The following PARPBP variants were observed in gnomAD, a reference collection of about 807,000 sequenced individuals.
The protein encoded by PARPBP is PCNA-interacting partner.
In PARPBP, 52 loss-of-function variants were observed where a neutral mutation model predicts 50.0. That is an observed-to-expected ratio of 1.04 (90% confidence interval 0.83 to 1.31). The LOEUF (loss-of-function observed/expected upper bound fraction) is 1.31, where lower values mean the gene tolerates loss of function less well. Among genes scored for constraint, PARPBP ranks in the 50% most tolerant of loss-of-function variants. The pLI is 0.00. For synonymous variants in PARPBP, 244 were observed against 232.1 expected, an observed-to-expected ratio of 1.05 and a Z score of -0.47; for missense variants, 697 against 672.0, an observed-to-expected ratio of 1.04 and a Z score of -0.41.
intron 2 of PARPBP, among the ~76,000 whole-genome samples, chr12:102,137,495 A>G (rs555467273): frequency 6.6e-6 from 1 of 150,414 alleles, no homozygotes; most frequent in East Asian, 2.0e-4. Context: ...ATGCCTCTCT[A>G]GCAGTTATAT....
chr12:102,146,425 T>C (rs1262700841), intron 2 of PARPBP, among the ~76,000 whole-genome samples: 9 of 151,704 alleles, frequency 5.9e-5, no homozygotes, highest in African/African-American at 2.2e-4. Flanking sequence ...TATCTACAAC[T>C]ATCTGATCTT....
At chr12:102,159,938 C>A (rs1320765302) in intron 4 of PARPBP, among the ~76,000 whole-genome samples, 1 of 152,172 alleles carries the variant, frequency 6.6e-6, no homozygotes, top group Admixed American at 6.5e-5. Flanking sequence ...AGCTTCTAAA[C>A]AAACATTGCA....
intron 2 of PARPBP, among the ~76,000 whole-genome samples, chr12:102,145,428 G>A (rs1594499734): frequency 6.6e-6 from 1 of 152,068 alleles, no homozygotes. Flanking sequence ...AAAAGGAGTA[G>A]TTAGAATTTA....
chr12:102,149,479 A>G (rs1012061859), intron 3 of PARPBP, among the ~76,000 whole-genome samples: 1 of 152,202 alleles, frequency 6.6e-6, no homozygotes, highest in Non-Finnish European at 1.5e-5. Context: ...TCCAGCCATT[A>G]TATCCATTAT....
intron 2 of PARPBP, among the ~76,000 whole-genome samples, chr12:102,134,956 G>C (rs1883401339): frequency 6.6e-6 from 1 of 152,156 alleles, no homozygotes; most frequent in Non-Finnish European, 1.5e-5. Context: ...GGGATTACAG[G>C]CATGAACCAC....
chr12:102,151,598 G>C, intron 3 of PARPBP: 2 of 1,535,646 alleles, frequency 1.3e-6, no homozygotes, highest in Non-Finnish European at 1.7e-6. Context: ...CCTTCAGAAA[G>C]AGGAAGCTTG....
chr12:102,162,868 C>CT (rs1424681979), intron 4 of PARPBP, among the ~76,000 whole-genome samples: 2 of 151,312 alleles, frequency 1.3e-5, no homozygotes, highest in African/African-American at 4.9e-5. Context: ...TGAAATTTAT[C>CT]TTTTTATTTT....
intron 6 of PARPBP, among the ~76,000 whole-genome samples, chr12:102,166,595 T>G (rs1444478992): frequency 6.6e-6 from 1 of 152,166 alleles, no homozygotes; most frequent in Admixed American, 6.6e-5. Context: ...ACAACCTGAC[T>G]TGATAGATAC....
rs575408180 is a variant in PARPBP, at chr12:102,182,781, C to T, written c.1263+154C>T. ...AAAATGAGTTATGACAGTTGACGTA[C>T]AGAGACTTTCCTTTTATACAGTCTT... On this transcript the variant is annotated intron_variant, in intron 9 of 10. Coordinates refer to ENST00000327680, the MANE Select transcript of PARPBP (RefSeq NM_017915.5). Among the ~76,000 whole-genome samples the T allele has an allele frequency of 5.9e-5, 9 of 152,260 alleles. No homozygotes were observed. The East Asian group carries it at 1.7e-3, about 29-fold the overall frequency.
chr12:102,190,487 G>T (rs1170678204), intron 9 of PARPBP, among the ~76,000 whole-genome samples: 3 of 152,024 alleles, frequency 2.0e-5, no homozygotes, highest in African/African-American at 7.2e-5. Flanking sequence ...CCTTGATTTT[G>T]TTTCATACTC....
intron 9 of PARPBP, 78 bp downstream of exon 9, chr12:102,182,705 G>A: frequency 1.1e-6 from 1 of 949,948 alleles, no homozygotes; most frequent in South Asian, 1.4e-5. Context: ...AGCTGAGCTG[G>A]GTATTGTAAA....
intron 9 of PARPBP, among the ~76,000 whole-genome samples, chr12:102,187,912 T>C (rs961925779): frequency 2.0e-5 from 3 of 152,136 alleles, no homozygotes; most frequent in African/African-American, 7.2e-5. Flanking sequence ...TCAAAGAATT[T>C]TTAAAAAATT....
intron 2 of PARPBP, among the ~76,000 whole-genome samples, chr12:102,145,898 A>G (rs1885277719): frequency 6.6e-6 from 1 of 152,186 alleles, no homozygotes; most frequent in Admixed American, 6.6e-5. Flanking sequence ...AAAGGCCGAG[A>G]AGCAATGGCT....
chr12:102,124,124 A>G, intron 2 of PARPBP, 83 bp downstream of exon 2: 3 of 931,348 alleles, frequency 3.2e-6, no homozygotes, highest in Non-Finnish European at 4.9e-6. Flanking sequence ...AAGCTTAAGA[A>G]TATTAATTTC....
rs1891213698 is a variant in PARPBP, at chr12:102,195,474, A to G, written c.1399+27A>G. The stretch of plus-strand genomic sequence containing the variant: ...TAATTGACCTTATTTGTGCAATTAA[A>G]TAACAATTTAATTCTAGTCTACTAA... On this transcript the variant is annotated intron_variant, in intron 10 of 10. Transcript: ENST00000327680. 4 of 1,535,006 alleles carry G rather than the reference A, an allele frequency of 2.6e-6. No homozygotes were observed. In the East Asian group the frequency reaches 9.2e-5, roughly 35 times the overall value.
intron 2 of PARPBP, among the ~76,000 whole-genome samples, chr12:102,128,309 G>A (rs985202168): frequency 6.6e-6 from 1 of 152,100 alleles, no homozygotes; most frequent in African/African-American, 2.4e-5. Flanking sequence ...TCAGCTCACT[G>A]CAAGCTCCCC....
intron 2 of PARPBP, among the ~76,000 whole-genome samples, chr12:102,140,106 C>G (rs370464310): frequency 1.3e-5 from 2 of 151,822 alleles, no homozygotes; most frequent in East Asian, 3.9e-4. Flanking sequence ...GTGAATCCAT[C>G]TGGTCCTGGA....
rs556873511 is a variant in PARPBP at position 102,192,740 on chromosome 12, C to G, written c.1264-2572C>G. On this transcript the variant is annotated intron_variant, in intron 9 of 10. Transcript: ENST00000327680. ...TTTGTTATTCCTCCCAGCTGTTTGT[C>G]AATAGCAAATTTTATAAGTAGAATG... is the stretch of plus-strand genomic sequence containing the variant. Among the ~76,000 whole-genome samples, 71 of 151,810 alleles carry G rather than the reference C, an allele frequency of 4.7e-4. No individual in the cohort carries two copies. In the Middle Eastern group the frequency reaches 0.01, roughly 22 times the overall value.
At chr12:102,161,305 G>A (rs1475567644) in intron 4 of PARPBP, among the ~76,000 whole-genome samples, 2 of 151,904 alleles carry the variant, frequency 1.3e-5, no homozygotes, top group Non-Finnish European at 2.9e-5. Flanking sequence ...ACAGGGTTTC[G>A]CTGTGTTGGC....
Sources: gnomAD v4.1 joint callset for allele counts (sites outside exome capture counted in the v4.1 genomes callset) on GRCh38, gnomAD v4.1.1 for gene constraint, MANE v1.5 for transcripts, NCBI Gene and HGNC (gene_info 2026-07-23, HGNC 2026-07-21) for gene names.